The following GRIN2B variants were observed in gnomAD, a reference collection of about 807,000 sequenced individuals.
GRIN2B encodes glutamate receptor ionotropic, NMDA 2B.
A neutral mutation model predicts 114.5 loss-of-function variants in GRIN2B; 5 were observed. That is an observed-to-expected ratio of 0.04 (90% CI 0.02 to 0.09). The LOEUF is 0.09. Among genes scored for constraint, GRIN2B ranks in the 10% least tolerant of loss-of-function variants. The probability of loss-of-function intolerance (pLI) is 1.00; values close to 1 mark genes in which losing one functional copy is unlikely to be tolerated. For missense variants in GRIN2B, 1,108 were observed against 1,943.5 expected (o/e 0.57, Z 8.08); for synonymous variants, 787 against 745.1 (o/e 1.06, Z -0.92).
intron 3 of GRIN2B, among the ~76,000 whole-genome samples, chr12:13,808,356 C>T (rs1591743813): frequency 1.3e-5 from 2 of 152,254 alleles, no homozygotes. Context: ...AATGGCCCAA[C>T]TTACACCAGT....
Position 13,753,225 on chromosome 12 carries a change from C to A in GRIN2B, c.1010+92G>T, listed in dbSNP as rs554169477. 1.2e-6 allele frequency: 1 copy of A among 837,612 alleles called. No individual in the cohort carries two copies. Among genetic ancestry groups the A allele is most frequent in the East Asian group, 2.4e-5 (1 of 41,472 alleles). The allele number at this position is 837,612 out of a possible 1,614,324, so 51.9% of individuals were successfully genotyped here. Reference sequence around the variant, plus strand: ...GGCTTCAACCTGCTACCGTCTTGAACTGTTCTTCCTGCAGTTTCTGAACTT... The same window carrying A: ...GGCTTCAACCTGCTACCGTCTTGAAATGTTCTTCCTGCAGTTTCTGAACTT... On this transcript the variant is annotated intron_variant, in intron 4 of 13. Transcript: ENST00000609686. The surrounding 1 kb of genome is among the most constrained non-coding windows in gnomAD (Gnocchi z 6.2).
intron 5 of GRIN2B, among the ~76,000 whole-genome samples, chr12:13,635,110 G>C (rs1297707447): frequency 6.6e-6 from 1 of 152,204 alleles, no homozygotes; most frequent in Non-Finnish European, 1.5e-5. Context: ...TCAGGTGCCT[G>C]GGCCAACAGA....
intron 5 of GRIN2B, among the ~76,000 whole-genome samples, chr12:13,619,605 C>T (rs1435526450): frequency 6.6e-6 from 1 of 152,224 alleles, no homozygotes; most frequent in Non-Finnish European, 1.5e-5. Flanking sequence ...TCATTTCAAC[C>T]ACCAACCACT....
At chr12:13,614,128 A>G (rs992843979) in intron 8 of GRIN2B, among the ~76,000 whole-genome samples, 2 of 152,144 alleles carry the variant, frequency 1.3e-5, no homozygotes, top group African/African-American at 4.8e-5. Context: ...CAAGGCTGGA[A>G]TTTGCTTCAC....
At chr12:13,823,006 G>A (rs1031177152) in intron 3 of GRIN2B, among the ~76,000 whole-genome samples, 1 of 151,922 alleles carries the variant, frequency 6.6e-6, no homozygotes, top group Non-Finnish European at 1.5e-5. Flanking sequence ...ATAAGTATAG[G>A]TCCATTTCTG....
intron 10 of GRIN2B, among the ~76,000 whole-genome samples, chr12:13,595,578 C>G (rs1444543119): frequency 2.0e-5 from 3 of 152,182 alleles, no homozygotes; most frequent in Admixed American, 1.3e-4. Context: ...CTGTCTGGTG[C>G]TGAGAACTGG....
At position 13,564,557 on chromosome 12, in the gene GRIN2B, G is replaced by A. The variant is rs1267649074; in HGVS notation, c.2681C>T (p.Thr894Ile). 6.2e-7 allele frequency: 1 copy of A among 1,614,030 alleles called. No individual in the cohort carries two copies. Among genetic ancestry groups the A allele is most frequent in the African/African-American group, 1.3e-5 (1 of 74,940 alleles). ...CAGCAGGCGCAGGATGTTGGAGTGT[G>A]TGTTGTTCATGGTTGCGGTGGGGGA... ...MNSPTATMNN[T>I]HSNILRLLRT... is the part of the protein sequence containing the mutation. The change falls in exon 14 of 14, where the codon ACA becomes ATA. Residue 894 changes from threonine to isoleucine, a missense_variant. Coordinates refer to ENST00000609686, the MANE Select transcript of GRIN2B (RefSeq NM_000834.5). The surrounding 1 kb of genome is among the most constrained non-coding windows in gnomAD (Gnocchi z 4.8).
intron 2 of GRIN2B, among the ~76,000 whole-genome samples, chr12:13,935,828 C>A (rs1867117892): frequency 6.6e-6 from 1 of 152,154 alleles, no homozygotes; most frequent in South Asian, 2.1e-4. Context: ...AGCTATAAAG[C>A]TGGACAAAAG....
chr12:13,735,575 C>T (rs1316959763), intron 4 of GRIN2B, among the ~76,000 whole-genome samples: 1 of 152,164 alleles, frequency 6.6e-6, no homozygotes, highest in Non-Finnish European at 1.5e-5. Context: ...AGGCAGACTG[C>T]TCTCCTGTCA....
chr12:13,949,001 G>A (rs1867422630), intron 2 of GRIN2B, among the ~76,000 whole-genome samples: 3 of 152,130 alleles, frequency 2.0e-5, no homozygotes, highest in Admixed American at 2.0e-4. Flanking sequence ...TGTTCCCAGA[G>A]GTTCTACTAC....
At chr12:13,676,537 C>T (rs751731118) in intron 4 of GRIN2B, among the ~76,000 whole-genome samples, 7 of 151,962 alleles carry the variant, frequency 4.6e-5, no homozygotes, top group South Asian at 2.1e-4. Context: ...ACTTACCATG[C>T]GGCCTGGTGC....
At chr12:13,715,786 TA>T (rs1950450108) in intron 4 of GRIN2B, among the ~76,000 whole-genome samples, 1 of 151,896 alleles carries the variant, frequency 6.6e-6, no homozygotes, top group Non-Finnish European at 1.5e-5. Flanking sequence ...CCCTTGATAA[TA>T]AAACAAAATA....
chr12:13,899,385 A>G (rs1866406897), intron 2 of GRIN2B, among the ~76,000 whole-genome samples: 1 of 145,466 alleles, frequency 6.9e-6, no homozygotes, highest in African/African-American at 2.4e-5. Context: ...TGGCAAAAGG[A>G]AGTGGGTCAG....
At chr12:13,768,334 C>G (rs751188851) in intron 3 of GRIN2B, among the ~76,000 whole-genome samples, 3 of 152,194 alleles carry the variant, frequency 2.0e-5, no homozygotes, top group Non-Finnish European at 2.9e-5. Flanking sequence ...ACCATCAGAT[C>G]CTCTGTCTCT....
At chr12:13,765,298 G>A (rs1306419025) in intron 3 of GRIN2B, among the ~76,000 whole-genome samples, 4 of 152,190 alleles carry the variant, frequency 2.6e-5, no homozygotes. Flanking sequence ...CGGTTTTGTA[G>A]AACATGAGGT....
intron 2 of GRIN2B, among the ~76,000 whole-genome samples, chr12:13,962,247 G>C (rs1867707944): frequency 1.3e-5 from 2 of 152,054 alleles, no homozygotes; most frequent in Non-Finnish European, 2.9e-5. Context: ...CGGGAGCAGA[G>C]GGAGGCTCAC....
chr12:13,923,725 G>C (rs1378816047), intron 2 of GRIN2B, among the ~76,000 whole-genome samples: 4 of 152,042 alleles, frequency 2.6e-5, no homozygotes, highest in African/African-American at 9.7e-5. Context: ...CGCCATCTTT[G>C]CTTGGGGCTA....
intron 10 of GRIN2B, among the ~76,000 whole-genome samples, chr12:13,601,192 C>T (rs1045068322): frequency 6.6e-6 from 1 of 152,216 alleles, no homozygotes; most frequent in Non-Finnish European, 1.5e-5. Context: ...TAGCCACGAA[C>T]AGAAGCTTAT....
At chr12:13,946,394 T>A (rs1407257266) in intron 2 of GRIN2B, among the ~76,000 whole-genome samples, 1 of 152,118 alleles carries the variant, frequency 6.6e-6, no homozygotes, top group Non-Finnish European at 1.5e-5. Flanking sequence ...ACCCTTTTTT[T>A]AAGTTATACA....
Sources: allele counts gnomAD v4.1 joint callset (sites outside exome capture counted in the v4.1 genomes callset), GRCh38; gene constraint gnomAD v4.1.1; non-coding constraint Gnocchi (gnomAD v3.1); transcripts MANE v1.5; gene names NCBI Gene and HGNC (gene_info 2026-07-23, HGNC 2026-07-21).